TTC39B: variants seen among roughly 807,000 people sequenced by gnomAD.
The protein encoded by TTC39B is tetratricopeptide repeat domain 39B.
TTC39B carries 92 observed loss-of-function variants against 96.6 expected under a neutral mutation model. The observed-to-expected ratio is 0.95, with a 90% CI of 0.80 to 1.13. The LOEUF (loss-of-function observed/expected upper bound fraction) is 1.13. Ranked by LOEUF, TTC39B falls within the 50% of genes most tolerant of loss-of-function variation. TTC39B has a pLI of 0.00. For synonymous variants in TTC39B, 367 were observed against 299.4 expected (o/e 1.23, Z -2.33); for missense variants, 955 against 809.3 (o/e 1.18, Z -2.18).
intron 8 of TTC39B, among the ~76,000 whole-genome samples, chr9:15,197,439 G>A (rs1819235054): frequency 6.6e-6 from 1 of 152,178 alleles, no homozygotes; most frequent in Non-Finnish European, 1.5e-5. Context: ...TTCAGTGAAA[G>A]TACCTCTTAA....
chr9:15,262,078 T>G (rs1195725839), intron 2 of TTC39B, among the ~76,000 whole-genome samples: 3 of 152,050 alleles, frequency 2.0e-5, no homozygotes, highest in Non-Finnish European at 4.4e-5. Flanking sequence ...ATTTTAATTT[T>G]TATTTTTTAT....
At chr9:15,258,746 CCAG>C (rs1204039854) in intron 2 of TTC39B, among the ~76,000 whole-genome samples, 20 of 152,136 alleles carry the variant, frequency 1.3e-4, no homozygotes, top group African/African-American at 4.6e-4. Context: ...TCACTTTGCA[CCAG>C]CAACACCCCA....
chr9:15,210,106 G>T, exon 6 of TTC39B: 1 of 1,607,190 alleles, frequency 6.2e-7, no homozygotes. Context: ...AGTTGCTCCA[G>T]GGATCCTCTA....
chr9:15,241,085 G>T (rs1822018058), intron 2 of TTC39B, among the ~76,000 whole-genome samples: 1 of 152,088 alleles, frequency 6.6e-6, no homozygotes, highest in Admixed American at 6.6e-5. Context: ...CCCATCTTTG[G>T]CAGATGAGAA....
chr9:15,225,130 T>C (rs1436584450), intron 3 of TTC39B, among the ~76,000 whole-genome samples: 2 of 151,980 alleles, frequency 1.3e-5, no homozygotes, highest in Non-Finnish European at 2.9e-5. Flanking sequence ...TCTAAAATGA[T>C]CTGGAAAGGA....
intron 2 of TTC39B, among the ~76,000 whole-genome samples, chr9:15,237,054 C>T (rs1821815857): frequency 6.6e-6 from 1 of 151,800 alleles, no homozygotes; most frequent in African/African-American, 2.4e-5. Flanking sequence ...GTGGCTCATG[C>T]CTGTAATCCC....
chr9:15,206,552 C>G (rs1036253078), intron 6 of TTC39B, among the ~76,000 whole-genome samples: 1 of 152,158 alleles, frequency 6.6e-6, no homozygotes, highest in Non-Finnish European at 1.5e-5. Context: ...CCATTAGGCA[C>G]TTATGAGTAG....
At chr9:15,270,803 C>G (rs960119798) in intron 1 of TTC39B, among the ~76,000 whole-genome samples, 41 of 150,182 alleles carry the variant, frequency 2.7e-4, no homozygotes, top group African/African-American at 1.0e-3. Context: ...TTTGTTGAAA[C>G]AGTAATCACG....
intron 9 of TTC39B, 132 bp downstream of exon 9, chr9:15,192,458 T>C: frequency 1.5e-6 from 1 of 646,580 alleles, no homozygotes; most frequent in Admixed American, 2.8e-5. Flanking sequence ...GCCAGAAAAC[T>C]GATCCCACTC....
chr9:15,192,560 G>A (rs926795671), intron 9 of TTC39B, 30 bp downstream of exon 9: 2 of 1,561,442 alleles, frequency 1.3e-6, no homozygotes, highest in Admixed American at 1.7e-5. Context: ...TTCTACAAAA[G>A]TTCTGGTTTC....
At chr9:15,234,471 C>G (rs1281887424) in intron 2 of TTC39B, among the ~76,000 whole-genome samples, 3 of 150,752 alleles carry the variant, frequency 2.0e-5, no homozygotes, top group South Asian at 2.1e-4. Context: ...TCTGCCCGGC[C>G]GCCCCTGCTG....
At chr9:15,207,852 C>T (rs866633060) in intron 6 of TTC39B, among the ~76,000 whole-genome samples, 94 of 150,690 alleles carry the variant, frequency 6.2e-4, no homozygotes, top group African/African-American at 2.1e-3. Flanking sequence ...GGCGTGGTGG[C>T]GGGCACCTGT....
chr9:15,232,871 C>T (rs1278210780), intron 2 of TTC39B, among the ~76,000 whole-genome samples: 1 of 152,188 alleles, frequency 6.6e-6, no homozygotes, highest in Non-Finnish European at 1.5e-5. Flanking sequence ...TCAGCCTCCG[C>T]CCTTCTCAAC....
intron 8 of TTC39B, 37 bp from the exon 9 acceptor site, chr9:15,192,732 C>T (rs780874713): frequency 3.4e-5 from 47 of 1,377,550 alleles, no homozygotes; most frequent in Non-Finnish European, 4.6e-5. Context: ...ATAAGTTGAC[C>T]ATGACTCTGA....
chr9:15,241,190 A>G (rs1392072807), intron 2 of TTC39B, among the ~76,000 whole-genome samples: 1 of 152,048 alleles, frequency 6.6e-6, no homozygotes, highest in Non-Finnish European at 1.5e-5. Flanking sequence ...ATTCAAATAG[A>G]TGGATTCATA....
Position 15,203,895 on chromosome 9 carries a change from A to C in TTC39B, c.692-5T>G. On this transcript the variant is annotated splice_region_variant and splice_polypyrimidine_tract_variant and intron_variant, in intron 6 of 19. Coordinates refer to ENST00000512701, the Ensembl canonical transcript of TTC39B. ...AGATTTCAGCATGCATTTCCTCTACAAAAAACAAATAAAATTATATTAAGT... is the reference window on the plus strand; with the variant it reads ...AGATTTCAGCATGCATTTCCTCTACCAAAAACAAATAAAATTATATTAAGT... 1 of 1,611,752 alleles carries C rather than the reference A, an allele frequency of 6.2e-7. No individual in the cohort carries two copies. Among genetic ancestry groups the C allele is most frequent in the Non-Finnish European group, 8.5e-7 (1 of 1,178,858 alleles).
chr9:15,307,060 C>T, intron 1 of TTC39B, 24 bp downstream of exon 1: 9 of 1,607,030 alleles, frequency 5.6e-6, no homozygotes, highest in Non-Finnish European at 6.8e-6. Flanking sequence ...AGGGGCCGGG[C>T]CCGCAATCCC....
chr9:15,254,848 CACACACACACACAAACACACACACTT>C (rs1822691706), intron 2 of TTC39B, among the ~76,000 whole-genome samples: 1 of 141,596 alleles, frequency 7.1e-6, no homozygotes. Flanking sequence ...CACACACACA[CACACACACACACAAACACACACACTT>C]TTTTTTTTTT....
chr9:15,171,663 CTTGT>C lies in TTC39B; in HGVS notation c.*352_*355del, dbSNP rs1251292184. On this transcript the variant is annotated 3_prime_UTR_variant, in exon 20 of 20. Coordinates refer to ENST00000512701, the Ensembl canonical transcript of TTC39B. The stretch of plus-strand genomic sequence containing the variant: ...CCCAACAAATCCAAAATTGGCTCAA[CTTGT>C]AAGCTATTTGCTAAACAATATTAAT... 1,300 of 153,832 alleles carry C rather than the reference CTTGT, an allele frequency of 8.5e-3. 24 individuals carry two copies. Among genetic ancestry groups the C allele is most frequent in the African/African-American group, 0.029 (1,226 of 41,590 alleles). 9.5% of individuals were successfully genotyped at this position (153,832 alleles called of 1,614,324 possible).
Sources: gnomAD v4.1 joint callset for allele counts (sites outside exome capture counted in the v4.1 genomes callset) on GRCh38, gnomAD v4.1.1 for gene constraint, MANE v1.5 for transcripts, NCBI Gene and HGNC (gene_info 2026-07-23, HGNC 2026-07-21) for gene names.